The following DACH2 variants were observed in gnomAD, a reference collection of about 807,000 sequenced individuals.
DACH2 encodes dachshund family transcription factor 2.
In DACH2, 17 loss-of-function variants were observed where a neutral mutation model predicts 35.8. That is an observed-to-expected ratio of 0.48 (90% CI 0.33 to 0.71). The LOEUF (loss-of-function observed/expected upper bound fraction) is 0.71, where lower values mean the gene tolerates loss of function less well. DACH2 is among the 30% of genes least tolerant of loss of function. The probability of loss-of-function intolerance (pLI) is 0.02; values close to 1 mark genes in which losing one functional copy is unlikely to be tolerated. For synonymous variants in DACH2, 195 were observed against 177.3 expected, an observed-to-expected ratio of 1.10 and a Z score of -0.79; for missense variants, 469 against 472.7, an observed-to-expected ratio of 0.99 and a Z score of 0.07.
At chrX:86,549,980 C>T (rs1270884923) in intron 3 of DACH2, among the ~76,000 whole-genome samples, 4 of 111,312 alleles carry the variant, frequency 3.6e-5, no homozygotes, top group Non-Finnish European at 7.6e-5. Flanking sequence ...TGTTATTTAT[C>T]AATCAAAGAT....
chrX:86,736,068 A>C lies in DACH2; in HGVS notation c.1105-3679A>C, dbSNP rs1430213044. ...GATGCATACTTATTACAGGGCTAAA[A>C]AATTGATCTGTTTACTTGCAAAGAA... On this transcript the variant is annotated intron_variant, in intron 6 of 11. Transcript: ENST00000373125. Among the ~76,000 whole-genome samples the C allele has an allele frequency of 4.5e-5, 5 of 111,557 alleles. No homozygotes were observed. In the South Asian group the frequency reaches 1.9e-3, roughly 41 times the overall value.
At chrX:86,617,298 T>C (rs1045499631) in intron 3 of DACH2, among the ~76,000 whole-genome samples, 3 of 111,241 alleles carry the variant, frequency 2.7e-5, no homozygotes, top group Non-Finnish European at 5.7e-5. Context: ...GTTTTTTTTT[T>C]CTACTTCTAT....
At chrX:86,243,907 T>C (rs2033223358) in intron 1 of DACH2, among the ~76,000 whole-genome samples, 1 of 111,852 alleles carries the variant, frequency 8.9e-6, no homozygotes, top group Non-Finnish European at 1.9e-5. Flanking sequence ...TCATCACCTT[T>C]ACATTAGGAA....
intron 1 of DACH2, among the ~76,000 whole-genome samples, chrX:86,167,805 G>A (rs3987744): frequency 0.013 from 1,464 of 111,228 alleles, 27 homozygotes; most frequent in African/African-American, 0.045. Flanking sequence ...CCCACTGGTC[G>A]TTCAGGAGTA....
chrX:86,774,305 T>TA (rs956657382), intron 7 of DACH2, among the ~76,000 whole-genome samples: 2 of 112,105 alleles, frequency 1.8e-5, no homozygotes, highest in African/African-American at 6.5e-5. Context: ...GCCCCCCTTT[T>TA]AAAACATGAA....
chrX:86,555,111 A>G (rs1473937345), intron 3 of DACH2, among the ~76,000 whole-genome samples: 7 of 111,757 alleles, frequency 6.3e-5, no homozygotes, highest in Admixed American at 4.8e-4. Flanking sequence ...TTTATAACAT[A>G]TGGAATAAAT....
intron 6 of DACH2, among the ~76,000 whole-genome samples, chrX:86,729,123 G>C (rs1276833533): frequency 2.7e-5 from 3 of 112,218 alleles, no homozygotes; most frequent in Non-Finnish European, 5.6e-5. Flanking sequence ...TCTGAACCCT[G>C]TAAAGCCACA....
chrX:86,534,480 A>G (rs1290402105), intron 3 of DACH2, among the ~76,000 whole-genome samples: 1 of 112,237 alleles, frequency 8.9e-6, no homozygotes, highest in Non-Finnish European at 1.9e-5. Context: ...AATATCTGCA[A>G]TATCACTTAA....
intron 4 of DACH2, among the ~76,000 whole-genome samples, chrX:86,663,428 G>C (rs2040629910): frequency 8.9e-6 from 1 of 111,956 alleles, no homozygotes; most frequent in Non-Finnish European, 1.9e-5. Flanking sequence ...AAAGCATAAA[G>C]TTAATTGTAA....
chrX:86,355,515 G>A (rs1182047629), intron 1 of DACH2, among the ~76,000 whole-genome samples: 2 of 111,190 alleles, frequency 1.8e-5, no homozygotes, highest in African/African-American at 6.6e-5. Context: ...CACCTTGACA[G>A]CACTGTTATT....
At chrX:86,217,499 C>T (rs1283386636) in intron 1 of DACH2, among the ~76,000 whole-genome samples, 1 of 111,283 alleles carries the variant, frequency 9.0e-6, no homozygotes, top group African/African-American at 3.3e-5. Flanking sequence ...TAAATGTTTA[C>T]AATGGTAAGT....
At chrX:86,584,282 G>A (rs1489015066) in intron 3 of DACH2, among the ~76,000 whole-genome samples, 1 of 110,437 alleles carries the variant, frequency 9.1e-6, no homozygotes, top group Non-Finnish European at 1.9e-5. Flanking sequence ...AGATTTATTC[G>A]TTTTATTCTA....
At chrX:86,245,605 C>T (rs2033264232) in intron 1 of DACH2, among the ~76,000 whole-genome samples, 1 of 111,721 alleles carries the variant, frequency 9.0e-6, no homozygotes, top group Non-Finnish European at 1.9e-5. Flanking sequence ...GAAATGAAAG[C>T]AGTTGACTGA....
intron 7 of DACH2, among the ~76,000 whole-genome samples, chrX:86,778,016 C>T (rs1047155594): frequency 9.0e-6 from 1 of 111,378 alleles, no homozygotes; most frequent in Non-Finnish European, 1.9e-5. Context: ...ACAAAGACAT[C>T]AAAAGTATAA....
intron 1 of DACH2, among the ~76,000 whole-genome samples, chrX:86,229,922 G>T (rs1253264361): frequency 9.0e-6 from 1 of 110,755 alleles, no homozygotes; most frequent in African/African-American, 3.3e-5. Flanking sequence ...AAGAGGGTCA[G>T]TTTGACTTCC....
chrX:86,652,777 A>C (rs5923580), intron 4 of DACH2, among the ~76,000 whole-genome samples: 37,934 of 110,655 alleles, frequency 0.34, 5,083 homozygotes, highest in Middle Eastern at 0.44. Context: ...TACTTTGCCC[A>C]CATTTGAACA....
chrX:86,617,034 T>A (rs1442608365), intron 3 of DACH2, among the ~76,000 whole-genome samples: 1 of 112,150 alleles, frequency 8.9e-6, no homozygotes, highest in African/African-American at 3.2e-5. Context: ...TCTTTCCCCA[T>A]TGTTTTAAAC....
intron 4 of DACH2, among the ~76,000 whole-genome samples, chrX:86,651,449 A>T (rs2040477388): frequency 9.4e-6 from 1 of 106,687 alleles, no homozygotes; most frequent in African/African-American, 3.3e-5. Context: ...TCTGCCTGAC[A>T]AAGACTGGTC....
intron 2 of DACH2, among the ~76,000 whole-genome samples, chrX:86,485,604 T>G (rs755610520): frequency 2.7e-5 from 3 of 111,827 alleles, no homozygotes; most frequent in Non-Finnish European, 5.6e-5. Flanking sequence ...ATACATGTAT[T>G]GAAACATCAT....
Sources: gnomAD v4.1 joint callset for allele counts (sites outside exome capture counted in the v4.1 genomes callset) on GRCh38, gnomAD v4.1.1 for gene constraint, MANE v1.5 for transcripts, NCBI Gene and HGNC (gene_info 2026-07-23, HGNC 2026-07-21) for gene names.